The following GOT1 variants were observed in gnomAD, a reference collection of about 807,000 sequenced individuals.
GOT1 encodes glutamic-oxaloacetic transaminase 1, also known as aspartate aminotransferase, cytoplasmic.
GOT1 carries 25 observed loss-of-function variants against 48.2 expected under a neutral mutation model. The ratio of observed to expected loss-of-function variants is 0.52; its 90% CI spans 0.38 to 0.72. GOT1 has a LOEUF of 0.72. Among genes scored for constraint, GOT1 ranks in the 30% least tolerant of loss-of-function variants. The probability of loss-of-function intolerance (pLI) is 0.00; values close to 1 mark genes in which losing one functional copy is unlikely to be tolerated. For synonymous variants in GOT1, 188 were observed against 193.8 expected, an observed-to-expected ratio of 0.97 and a Z score of 0.25; for missense variants, 380 against 520.1, an observed-to-expected ratio of 0.73 and a Z score of 2.62.
intron 2 of GOT1, among the ~76,000 whole-genome samples, chr10:99,419,306 CT>C (rs1437314662): frequency 6.6e-6 from 1 of 152,180 alleles, no homozygotes; most frequent in Admixed American, 6.5e-5. Flanking sequence ...AATCTGAGCT[CT>C]TCTTTTTCCC....
chr10:99,408,334 A>AT (rs1367003836), intron 2 of GOT1, among the ~76,000 whole-genome samples: 6 of 152,230 alleles, frequency 3.9e-5, no homozygotes, highest in African/African-American at 9.6e-5. Flanking sequence ...AGGTTTCAGC[A>AT]TAAGTCTCTC....
At chr10:99,409,789 G>T (rs2032808017) in intron 2 of GOT1, among the ~76,000 whole-genome samples, 1 of 152,102 alleles carries the variant, frequency 6.6e-6, no homozygotes, top group Non-Finnish European at 1.5e-5. Context: ...TCCTGAAAAT[G>T]ACTGAAAAAA....
At chr10:99,405,976 T>C in intron 4 of GOT1, 116 bp from the exon 5 acceptor site, 1 of 801,344 alleles carries the variant, frequency 1.2e-6, no homozygotes, top group Non-Finnish European at 2.2e-6. Flanking sequence ...TGTCACTCTT[T>C]CATGTCTCTT....
At chr10:99,421,251 CCTAGGTG>C (rs1477299696) in intron 1 of GOT1, among the ~76,000 whole-genome samples, 1 of 152,182 alleles carries the variant, frequency 6.6e-6, no homozygotes, top group Admixed American at 6.5e-5. Context: ...CCAGAAAAAG[CCTAGGTG>C]CTACTTCCAC....
At position 99,402,568 on chromosome 10, in the gene GOT1, G is replaced by A. The variant is rs745535407; in HGVS notation, c.1102+12C>T. On this transcript the variant is annotated intron_variant, in intron 8 of 8. Transcript: ENST00000370508. ...ATGCACGCATGGGCTGGAGGTGGTGGGGGCCACTTACGGTTCAACCCAGTG... is the reference window on the plus strand; with the variant it reads ...ATGCACGCATGGGCTGGAGGTGGTGAGGGCCACTTACGGTTCAACCCAGTG... The A allele has an allele frequency of 3.7e-6, 6 of 1,614,030 alleles. No homozygotes were observed. In the East Asian group the frequency reaches 1.3e-4, roughly 36 times the overall value.
chr10:99,403,829 C>G lies in GOT1; in HGVS notation c.688G>C (p.Ala230Pro). 1 of 1,614,020 alleles carries G rather than the reference C, an allele frequency of 6.2e-7. No homozygotes were observed. Among genetic ancestry groups the G allele is most frequent in the Non-Finnish European group, 8.5e-7 (1 of 1,179,978 alleles). The part of the protein sequence containing the change: ...PFFDSAYQGF[A>P]SGNLERDAWA... ...GCATCTCTCTCCAGGTTTCCAGATG[C>G]GAAGCCCTGATAGGCTGAGTCAAAG... The change falls in exon 6 of 9, where the codon GCA becomes CCA. Residue 230 changes from alanine to proline, a missense_variant. Ala to Pro is a conservative substitution (Grantham distance 27). Transcript: ENST00000370508.
Position 99,427,470 on chromosome 10 carries a change from C to T in GOT1, c.118+2978G>A, listed in dbSNP as rs1223082137. 3.3e-5 allele frequency among the ~76,000 whole-genome samples: 5 copies of T among 152,246 alleles called. No homozygotes were observed. In the South Asian group the frequency reaches 6.2e-4, roughly 19 times the overall value. ...ATTTTTAGTAGAGACGGGGTTTCAC[C>T]GTGTTAGCCAGGATGGTCTCAATCT... On this transcript the variant is annotated intron_variant, in intron 1 of 8. Coordinates refer to ENST00000370508, the MANE Select transcript of GOT1 (RefSeq NM_002079.3).
intron 1 of GOT1, 62 bp downstream of exon 1, chr10:99,430,383 CACG>C: frequency 6.2e-7 from 1 of 1,606,828 alleles, no homozygotes; most frequent in South Asian, 1.1e-5. Context: ...CCACAGTCTC[CACG>C]ACCTGGGTTG....
chr10:99,428,361 T>C (rs537502113), intron 1 of GOT1, among the ~76,000 whole-genome samples: 6 of 152,170 alleles, frequency 3.9e-5, no homozygotes, highest in Admixed American at 1.3e-4. Flanking sequence ...TTGTTTTTTT[T>C]TTTCTTTCTT....
At chr10:99,422,765 T>C (rs2032987410) in intron 1 of GOT1, among the ~76,000 whole-genome samples, 1 of 152,248 alleles carries the variant, frequency 6.6e-6, no homozygotes, top group Admixed American at 6.5e-5. Flanking sequence ...CGGCATACTA[T>C]ACACTGTTTT....
intron 1 of GOT1, among the ~76,000 whole-genome samples, chr10:99,422,793 C>G (rs748652390): frequency 6.6e-6 from 1 of 152,162 alleles, no homozygotes; most frequent in Non-Finnish European, 1.5e-5. Context: ...TTGCTTTTTC[C>G]ACTTGAAAAT....
At chr10:99,412,492 G>A (rs904577497) in intron 2 of GOT1, among the ~76,000 whole-genome samples, 3 of 151,688 alleles carry the variant, frequency 2.0e-5, no homozygotes, top group African/African-American at 7.3e-5. Flanking sequence ...AGCAGCCTGG[G>A]AATGGTGAGG....
chr10:99,405,703 A>G (rs2032746388), intron 5 of GOT1, 53 bp downstream of exon 5: 1 of 885,852 alleles, frequency 1.1e-6, no homozygotes. Context: ...TTCTACATAC[A>G]TTAAATAAGA....
chr10:99,406,132 C>T lies in GOT1; in HGVS notation c.537+5G>A. ...ATTCTCTACTTTTTCCTCTAAATCACCCACCTCCAGATCATTCAGGAAGCC... is the reference window on the plus strand; with the variant it reads ...ATTCTCTACTTTTTCCTCTAAATCATCCACCTCCAGATCATTCAGGAAGCC... On this transcript the variant is annotated splice_donor_5th_base_variant and intron_variant, in intron 4 of 8. Coordinates refer to ENST00000370508, the MANE Select transcript of GOT1 (RefSeq NM_002079.3). The T allele has an allele frequency of 6.4e-7, 1 of 1,567,346 alleles. No individual in the cohort carries two copies. The highest frequency in any genetic ancestry group is 8.8e-7 in the Non-Finnish European group (1 of 1,137,440).
chr10:99,426,805 A>G lies in GOT1; in HGVS notation c.118+3643T>C, dbSNP rs1269873443. The stretch of plus-strand genomic sequence containing the variant: ...AAAACTGAGGAAACTAGCTGCAAGT[A>G]GGAACTGTCTGAGATTACAGGTGCA... On this transcript the variant is annotated intron_variant, in intron 1 of 8. Transcript: ENST00000370508. Among the ~76,000 whole-genome samples the G allele has an allele frequency of 2.0e-5, 3 of 152,252 alleles. No homozygotes were observed. In the East Asian group the frequency reaches 5.8e-4, roughly 29 times the overall value.
intron 1 of GOT1, among the ~76,000 whole-genome samples, chr10:99,429,407 AC>A (rs2033085684): frequency 6.6e-6 from 1 of 151,476 alleles, no homozygotes; most frequent in Admixed American, 6.6e-5. Context: ...TCTATGAGAA[AC>A]CTGATTCTGA....
At chr10:99,413,896 A>AT (rs1392731134) in intron 2 of GOT1, among the ~76,000 whole-genome samples, 1 of 152,198 alleles carries the variant, frequency 6.6e-6, no homozygotes, top group Non-Finnish European at 1.5e-5. Context: ...ATGCTGAGAG[A>AT]TTTTGTCACC....
At chr10:99,427,552 A>G (rs1288360053) in intron 1 of GOT1, among the ~76,000 whole-genome samples, 1 of 152,216 alleles carries the variant, frequency 6.6e-6, no homozygotes, top group Admixed American at 6.5e-5. Flanking sequence ...TACAGGCGTG[A>G]GCCACCATGC....
intron 1 of GOT1, among the ~76,000 whole-genome samples, chr10:99,422,520 C>T (rs1383938006): frequency 6.6e-6 from 1 of 152,072 alleles, no homozygotes; most frequent in Non-Finnish European, 1.5e-5. Flanking sequence ...TTTCAACATG[C>T]TTTTTTCCAT....
Sources: gnomAD v4.1 joint callset for allele counts (sites outside exome capture counted in the v4.1 genomes callset) on GRCh38, gnomAD v4.1.1 for gene constraint, MANE v1.5 for transcripts, NCBI Gene and HGNC (gene_info 2026-07-23, HGNC 2026-07-21) for gene names.